KCNIP1: variants seen among roughly 807,000 people sequenced by gnomAD.
The protein encoded by KCNIP1 is A-type potassium channel modulatory protein KCNIP1.
Under a neutral mutation model 33.0 loss-of-function variants are expected in KCNIP1, and 18 were observed. The observed-to-expected ratio is 0.55, with a 90% CI of 0.38 to 0.81. KCNIP1 has a LOEUF of 0.81. Ranked by LOEUF, KCNIP1 falls within the 30% of genes least tolerant of loss-of-function variation. The pLI, the probability that KCNIP1 is intolerant of heterozygous loss-of-function variation, is 0.00. For missense variants in KCNIP1, 238 were observed against 271.6 expected, an observed-to-expected ratio of 0.88 and a Z score of 0.87; for synonymous variants, 93 against 98.3, an observed-to-expected ratio of 0.95 and a Z score of 0.32.
chr5:170,724,084 G>A (rs1200583609), intron 5 of KCNIP1, among the ~76,000 whole-genome samples: 1 of 152,086 alleles, frequency 6.6e-6, no homozygotes, highest in African/African-American at 2.4e-5. Flanking sequence ...GACACAAAAG[G>A]CAAAAACAGA....
chr5:170,478,184 C>T (rs372909155), intron 1 of KCNIP1, among the ~76,000 whole-genome samples: 1 of 152,144 alleles, frequency 6.6e-6, no homozygotes, highest in Non-Finnish European at 1.5e-5. Flanking sequence ...CGGGAAGGGG[C>T]AGGTAAAGAT....
At chr5:170,635,655 AG>A (rs1421366756) in intron 1 of KCNIP1, among the ~76,000 whole-genome samples, 1 of 152,232 alleles carries the variant, frequency 6.6e-6, no homozygotes, top group East Asian at 1.9e-4. Context: ...GTAAGGGACA[AG>A]GGGGCAGGTC....
intron 1 of KCNIP1, among the ~76,000 whole-genome samples, chr5:170,623,131 C>T (rs1224855883): frequency 2.0e-5 from 3 of 152,198 alleles, no homozygotes; most frequent in Non-Finnish European, 2.9e-5. Context: ...AATGCTTGCT[C>T]GCCAGCTCAC....
intron 1 of KCNIP1, among the ~76,000 whole-genome samples, chr5:170,366,915 C>T (rs1451629719): frequency 6.6e-6 from 1 of 152,218 alleles, no homozygotes; most frequent in Admixed American, 6.5e-5. Flanking sequence ...GGGGGAGACT[C>T]CCAAGTCTCT....
intron 1 of KCNIP1, among the ~76,000 whole-genome samples, chr5:170,586,230 G>T (rs943498316): frequency 6.6e-6 from 1 of 152,222 alleles, no homozygotes; most frequent in African/African-American, 2.4e-5. Context: ...TCTGTCACCT[G>T]TGTATCCTCC....
intron 1 of KCNIP1, among the ~76,000 whole-genome samples, chr5:170,394,919 G>T (rs536296095): frequency 1.3e-5 from 2 of 152,298 alleles, no homozygotes; most frequent in East Asian, 1.9e-4. Context: ...TGCTGTAAAG[G>T]ACATGATTTC....
Position 170,632,451 on chromosome 5 carries a change from G to C in KCNIP1, c.62-86307G>C, listed in dbSNP as rs374916285. Among the ~76,000 whole-genome samples the C allele has an allele frequency of 3.9e-5, 6 of 152,338 alleles. No individual in the cohort carries two copies. In the East Asian group the frequency reaches 5.8e-4, roughly 15 times the overall value. On this transcript the variant is annotated intron_variant, in intron 1 of 7. Transcript: ENST00000328939. Reference sequence around the variant, plus strand: ...CCTTTGCAGAGAAGCAGCCTCCTTTGGCAGGGGCTGCAGAGCACTCTGCCT... The same window carrying C: ...CCTTTGCAGAGAAGCAGCCTCCTTTCGCAGGGGCTGCAGAGCACTCTGCCT...
exon 1 of KCNIP1, chr5:170,353,522 G>T: frequency 3.1e-6 from 1 of 321,398 alleles, no homozygotes; most frequent in Non-Finnish European, 5.8e-6. Flanking sequence ...GAGAGCTCCA[G>T]CTCCTCCCTC....
At chr5:170,620,810 A>T (rs1759573025) in intron 1 of KCNIP1, among the ~76,000 whole-genome samples, 1 of 152,162 alleles carries the variant, frequency 6.6e-6, no homozygotes, top group Non-Finnish European at 1.5e-5. Flanking sequence ...ATTTGCCTTA[A>T]TTGGATCTCC....
Position 170,635,955 on chromosome 5 carries a change from G to A in KCNIP1, c.62-82803G>A, listed in dbSNP as rs188107682. On this transcript the variant is annotated intron_variant, in intron 1 of 7. Transcript: ENST00000328939. ...GGCCAGGCCCTGGGTATATTTTGAA[G>A]GTCAAGCCAACAGGACTTGCCAGTG... 6.6e-3 allele frequency among the ~76,000 whole-genome samples: 1,002 copies of A among 152,336 alleles called. 9 individuals carry two copies. Among genetic ancestry groups the A allele is most frequent in the Non-Finnish European group, 0.011 (779 of 68,036 alleles).
At chr5:170,734,715 G>A (rs908363859) in intron 7 of KCNIP1, among the ~76,000 whole-genome samples, 2 of 152,172 alleles carry the variant, frequency 1.3e-5, no homozygotes, top group Non-Finnish European at 2.9e-5. Flanking sequence ...AAGAAAGCCG[G>A]GGAGAAGTTC....
rs1755345667 is a variant in KCNIP1, at chr5:170,416,883, A to G, written c.88+62919A>G. Among the ~76,000 whole-genome samples, 4 of 152,224 alleles carry G rather than the reference A, an allele frequency of 2.6e-5. No homozygotes were observed. In the South Asian group the frequency reaches 8.3e-4, roughly 32 times the overall value. ...TTTCCCAGATTCACTAAAATTTCTA[A>G]GATATGTTTAACAAAGAAATCCACC... On this transcript the variant is annotated intron_variant, in intron 1 of 7. Coordinates refer to the KCNIP1 transcript ENST00000377360.
intron 1 of KCNIP1, among the ~76,000 whole-genome samples, chr5:170,526,408 G>A (rs1755571411): frequency 6.6e-6 from 1 of 152,194 alleles, no homozygotes; most frequent in East Asian, 1.9e-4. Flanking sequence ...AGGCCTGTCG[G>A]GTTCCAGTCT....
chr5:170,655,607 C>T (rs894464009), intron 1 of KCNIP1, among the ~76,000 whole-genome samples: 1 of 152,218 alleles, frequency 6.6e-6, no homozygotes, highest in East Asian at 1.9e-4. Flanking sequence ...AAGCTGACTT[C>T]TTCCCCAGTT....
chr5:170,504,082 G>A lies in KCNIP1; in HGVS notation c.-491G>A. 1.0e-6 allele frequency: 1 copy of A among 985,624 alleles called. No individual in the cohort carries two copies. Among genetic ancestry groups the A allele is most frequent in the Non-Finnish European group, 1.2e-6 (1 of 830,136 alleles). The allele number at this position is 985,624 out of a possible 1,614,324, so 61.1% of individuals were successfully genotyped here. A position where few individuals can be genotyped will look rare whatever the true frequency, so the allele number is the denominator to read the frequency against. ...GCAGGCGGGCGCGCTGTGGCTCCGC[G>A]CCGCGCGGTCCGGGCTCTGTTCATT... On this transcript the variant is annotated 5_prime_UTR_variant, in exon 1 of 8. Coordinates refer to ENST00000328939, the MANE Select transcript of KCNIP1 (RefSeq NM_014592.4). The surrounding 1 kb of genome is among the most constrained non-coding windows in gnomAD (Gnocchi z 6.0).
rs1048945331 is a variant in KCNIP1, at chr5:170,353,652, A to G, written c.-225A>G. 6.8e-6 allele frequency: 4 copies of G among 589,990 alleles called. No individual in the cohort carries two copies. The African/African-American group carries it at 7.5e-5, about 11-fold the overall frequency. 36.5% of individuals were successfully genotyped at this position (589,990 alleles called of 1,614,324 possible). On this transcript the variant is annotated 5_prime_UTR_variant, in exon 1 of 8. Transcript: ENST00000377360. ...CGTGGTGAGGACTTAAGTGGACAGCAGGAGTGGGTGGAGAGAGGGAGGGAG... is the reference window on the plus strand; with the variant it reads ...CGTGGTGAGGACTTAAGTGGACAGCGGGAGTGGGTGGAGAGAGGGAGGGAG...
intron 1 of KCNIP1, among the ~76,000 whole-genome samples, chr5:170,399,005 T>A (rs1170570057): frequency 6.6e-6 from 1 of 152,102 alleles, no homozygotes; most frequent in African/African-American, 2.4e-5. Context: ...GGAAACTACT[T>A]TGTTACAGAG....
intron 1 of KCNIP1, among the ~76,000 whole-genome samples, chr5:170,662,622 A>G (rs1370741280): frequency 6.6e-6 from 1 of 152,188 alleles, no homozygotes; most frequent in East Asian, 1.9e-4. Context: ...AGGAAGAGGC[A>G]CCAAGCCCAC....
At chr5:170,586,951 T>G (rs965068570) in intron 1 of KCNIP1, among the ~76,000 whole-genome samples, 1 of 152,168 alleles carries the variant, frequency 6.6e-6, no homozygotes, top group Non-Finnish European at 1.5e-5. Context: ...CTCATGGAGC[T>G]CACAGCCCAG....
Sources: allele counts gnomAD v4.1 joint callset (sites outside exome capture counted in the v4.1 genomes callset), GRCh38; gene constraint gnomAD v4.1.1; non-coding constraint Gnocchi (gnomAD v3.1); transcripts MANE v1.5; gene names NCBI Gene and HGNC (gene_info 2026-07-23, HGNC 2026-07-21).